Variants in ADAM10 observed in about 807,000 individuals in gnomAD.
The protein encoded by ADAM10 is disintegrin and metalloproteinase domain-containing protein 10.
ADAM10 carries 17 observed loss-of-function variants against 90.1 expected under a neutral mutation model. The observed-to-expected ratio is 0.19, with a 90% CI of 0.13 to 0.28. The LOEUF (loss-of-function observed/expected upper bound fraction) is 0.28, where lower values mean the gene tolerates loss of function less well. Ranked by LOEUF, ADAM10 falls within the 10% of genes least tolerant of loss-of-function variation. The pLI, the probability that ADAM10 is intolerant of heterozygous loss-of-function variation, is 1.00. For missense variants in ADAM10, 610 were observed against 914.3 expected (o/e 0.67, Z 4.29); for synonymous variants, 310 against 298.6 (o/e 1.04, Z -0.40).
intron 5 of ADAM10, 101 bp from the exon 6 acceptor site, chr15:58,646,305 T>A (rs1327203511): frequency 8.5e-7 from 1 of 1,181,620 alleles, no homozygotes; most frequent in Non-Finnish European, 1.2e-6. Flanking sequence ...TTCTGCTTTA[T>A]ATAACACCAT....
intron 14 of ADAM10, among the ~76,000 whole-genome samples, chr15:58,601,605 G>T (rs773411749): frequency 6.6e-6 from 1 of 152,066 alleles, no homozygotes; most frequent in Non-Finnish European, 1.5e-5. Context: ...TAGATAACAA[G>T]ACAATCATCA....
intron 4 of ADAM10, among the ~76,000 whole-genome samples, chr15:58,675,151 T>C (rs924017345): frequency 1.6e-4 from 24 of 152,332 alleles, no homozygotes; most frequent in African/African-American, 5.8e-4. Context: ...TGAGCTGAGA[T>C]GGCACCACTG....
At chr15:58,623,979 A>AT (rs1280100506) in intron 10 of ADAM10, among the ~76,000 whole-genome samples, 22 of 130,706 alleles carry the variant, frequency 1.7e-4, no homozygotes, top group African/African-American at 3.9e-4. Flanking sequence ...TTAAAGTGAA[A>AT]TTTAAAAAAA....
At chr15:58,692,891 C>A (rs538955576) in intron 2 of ADAM10, 2 of 686,692 alleles carry the variant, frequency 2.9e-6, no homozygotes, top group African/African-American at 3.5e-5. Context: ...GCAATGGCTC[C>A]CAAATTATTT....
At chr15:58,686,876 C>G (rs1306673383) in intron 2 of ADAM10, among the ~76,000 whole-genome samples, 5 of 152,066 alleles carry the variant, frequency 3.3e-5, no homozygotes, top group African/African-American at 1.2e-4. Context: ...AAACAAAAAC[C>G]TTACCACCAA....
At chr15:58,624,864 T>C (rs1895892020) in intron 10 of ADAM10, among the ~76,000 whole-genome samples, 2 of 152,200 alleles carry the variant, frequency 1.3e-5, no homozygotes, top group Admixed American at 6.5e-5. Flanking sequence ...AAAATTATAA[T>C]AGGTACACAT....
chr15:58,606,094 G>A (rs146822931), intron 14 of ADAM10, among the ~76,000 whole-genome samples: 111 of 152,154 alleles, frequency 7.3e-4, no homozygotes, highest in African/African-American at 2.6e-3. Context: ...GTTCAACAAC[G>A]CTCACTCTCA....
chr15:58,610,614 C>T (rs1895412413), intron 13 of ADAM10, 97 bp from the exon 14 acceptor site: 29 of 1,188,732 alleles, frequency 2.4e-5, no homozygotes, highest in Non-Finnish European at 3.4e-5. Flanking sequence ...GGAAAAAAAA[C>T]TGAAATCATT....
chr15:58,642,755 A>C (rs923850732), intron 7 of ADAM10, among the ~76,000 whole-genome samples: 5 of 152,178 alleles, frequency 3.3e-5, no homozygotes, highest in South Asian at 2.1e-4. Flanking sequence ...TGCCTACTAA[A>C]CAGCAACACT....
At chr15:58,648,269 C>T (rs1344522122) in intron 5 of ADAM10, among the ~76,000 whole-genome samples, 1 of 152,074 alleles carries the variant, frequency 6.6e-6, no homozygotes, top group African/African-American at 2.4e-5. Flanking sequence ...GGGGAACTGT[C>T]CCCAAAGCCT....
chr15:58,682,150 G>GA (rs749660034), intron 3 of ADAM10, 46 bp downstream of exon 3: 51,307 of 930,132 alleles, frequency 0.055, 2 homozygotes, highest in East Asian at 0.077. Context: ...TCTTTGTGTA[G>GA]AAAAAAAAAA....
intron 1 of ADAM10, among the ~76,000 whole-genome samples, chr15:58,741,849 G>GT (rs1438100203): frequency 1.3e-5 from 2 of 152,114 alleles, no homozygotes; most frequent in Non-Finnish European, 2.9e-5. Flanking sequence ...CTATCTCATA[G>GT]TTATCATGGC....
At chr15:58,642,337 C>G (rs527435964) in intron 7 of ADAM10, among the ~76,000 whole-genome samples, 1 of 151,830 alleles carries the variant, frequency 6.6e-6, no homozygotes. Flanking sequence ...TGACAGTGGA[C>G]GCCTGTAATC....
At chr15:58,671,824 CCTTA>C (rs1555416445) in intron 4 of ADAM10, among the ~76,000 whole-genome samples, 1 of 150,858 alleles carries the variant, frequency 6.6e-6, no homozygotes, top group Non-Finnish European at 1.5e-5. Context: ...TTTTTTTAAT[CCTTA>C]CTGTCATTGT....
In ADAM10 at chr15:58,682,327, AT is replaced by A. The variant is rs1389782170; in HGVS notation, c.207-14del. ...TAGGTTGAAATGTCTGTAAAATGGG[AT>A]GGGAAGGGGGAACAACTGAAATTAA... is the stretch of plus-strand genomic sequence containing the variant. On this transcript the variant is annotated splice_polypyrimidine_tract_variant and intron_variant, in intron 2 of 15. Transcript: ENST00000260408. The A allele has an allele frequency of 7.5e-6, 12 of 1,608,952 alleles. No individual in the cohort carries two copies. The highest frequency in any genetic ancestry group is 1.0e-5 in the Non-Finnish European group (12 of 1,178,338).
intron 2 of ADAM10, among the ~76,000 whole-genome samples, chr15:58,706,454 G>C (rs1898292187): frequency 6.6e-6 from 1 of 152,162 alleles, no homozygotes; most frequent in South Asian, 2.1e-4. Context: ...AGATGCTTGA[G>C]AGAGTCTCCA....
At chr15:58,683,404 A>G (rs1453781291) in intron 2 of ADAM10, among the ~76,000 whole-genome samples, 2 of 152,228 alleles carry the variant, frequency 1.3e-5, no homozygotes, top group African/African-American at 2.4e-5. Context: ...TGTGACATGA[A>G]TAAGTTGGTA....
At chr15:58,742,976 T>C (rs957899493) in intron 1 of ADAM10, among the ~76,000 whole-genome samples, 69 of 152,236 alleles carry the variant, frequency 4.5e-4, no homozygotes, top group African/African-American at 1.6e-3. Flanking sequence ...GAGAATTGCT[T>C]GAGCTGCAGA....
At position 58,724,299 on chromosome 15, in the gene ADAM10, T is replaced by A. The variant is rs146218229; in HGVS notation, c.56-6572A>T. Reference sequence around the variant, plus strand: ...AATATTTAAGGGTAAAATGACACGATGTCCATAACTCACACTAGACAGATT... The same window carrying A: ...AATATTTAAGGGTAAAATGACACGAAGTCCATAACTCACACTAGACAGATT... On this transcript the variant is annotated intron_variant, in intron 1 of 15. Coordinates refer to ENST00000260408, the MANE Select transcript of ADAM10 (RefSeq NM_001110.4). Among the ~76,000 whole-genome samples, 1,452 of 152,264 alleles carry A rather than the reference T, an allele frequency of 9.5e-3. 21 individuals carry two copies. The highest frequency in any genetic ancestry group is 0.033 in the African/African-American group (1,374 of 41,552).
Sources: allele counts gnomAD v4.1 joint callset (sites outside exome capture counted in the v4.1 genomes callset), GRCh38; gene constraint gnomAD v4.1.1; transcripts MANE v1.5; gene names NCBI Gene and HGNC (gene_info 2026-07-23, HGNC 2026-07-21).